Variants in ELF4 observed in about 807,000 individuals in gnomAD.
ELF4 encodes the protein ETS-related transcription factor Elf-4.
ELF4 carries 10 observed loss-of-function variants against 31.7 expected under a neutral mutation model. The ratio of observed to expected loss-of-function variants is 0.32; its 90% confidence interval spans 0.19 to 0.54. The LOEUF is 0.54. ELF4 is among the 20% of genes least tolerant of loss of function. The pLI is 0.95. For synonymous variants in ELF4, 208 were observed against 226.7 expected, an observed-to-expected ratio of 0.92 and a Z score of 0.74; for missense variants, 418 against 522.0, an observed-to-expected ratio of 0.80 and a Z score of 1.94.
Position 130,066,658 on chromosome X carries a change from C to T in ELF4, c.*63G>A, listed in dbSNP as rs1294521972. The T allele has an allele frequency of 9.9e-6, 11 of 1,106,441 alleles. No individual in the cohort carries two copies. Among genetic ancestry groups the T allele is most frequent in the South Asian group, 7.6e-5 (4 of 52,685 alleles). 91.2% of individuals were successfully genotyped at this position (1,106,441 alleles called of 1,213,427 possible). On this transcript the variant is annotated 3_prime_UTR_variant, in exon 9 of 9. Coordinates refer to ENST00000308167, the MANE Select transcript of ELF4 (RefSeq NM_001421.4). Reference sequence around the variant, plus strand: ...GCAGGGGCAGGTGTGCTACTGAAGTCGGTCCCTATGAAAATGCTGCTCAAT... The same window carrying T: ...GCAGGGGCAGGTGTGCTACTGAAGTTGGTCCCTATGAAAATGCTGCTCAAT...
At chrX:130,096,191 T>C (rs1933147621) in intron 1 of ELF4, among the ~76,000 whole-genome samples, 1 of 110,355 alleles carries the variant, frequency 9.1e-6, no homozygotes, top group South Asian at 3.8e-4. Flanking sequence ...TTTTGTTTTG[T>C]TTTGTTTTTG....
chrX:130,076,162 A>G (rs150654853), intron 2 of ELF4, among the ~76,000 whole-genome samples: 358 of 111,987 alleles, frequency 3.2e-3, no homozygotes, highest in African/African-American at 0.011. Flanking sequence ...CCTAGAGAAC[A>G]GAAGTGTTTT....
chrX:130,064,186 C>G lies in ELF4; in HGVS notation c.*2535G>C, dbSNP rs1173611774. Among the ~76,000 whole-genome samples, 3 of 110,507 alleles carry G rather than the reference C, an allele frequency of 2.7e-5. No individual in the cohort carries two copies. The highest frequency in any genetic ancestry group is 5.7e-5 in the Non-Finnish European group (3 of 52,885). ...GCCGTGGTTGCTCACGCCTGTAATC[C>G]CAGCACTTTGGGAGGCCAAGGTGGG... On this transcript the variant is annotated 3_prime_UTR_variant, in exon 9 of 9. Coordinates refer to ENST00000308167, the MANE Select transcript of ELF4 (RefSeq NM_001421.4).
chrX:130,070,703 T>A (rs1198541167), intron 7 of ELF4, among the ~76,000 whole-genome samples: 1 of 97,509 alleles, frequency 1.0e-5, no homozygotes, highest in Non-Finnish European at 2.0e-5. Flanking sequence ...ACCCAGGCAG[T>A]GCAGGTTGCA....
chrX:130,074,678 C>T lies in ELF4; in HGVS notation c.150G>A (p.Ser50=), dbSNP rs373694369. Reference sequence around the variant, plus strand: ...TGTGAACGTCGTCCAACTCCAGTCCCGAGTACAGATGCAGTAAATCAGGGT... The same window carrying T: ...TGTGAACGTCGTCCAACTCCAGTCCTGAGTACAGATGCAGTAAATCAGGGT... The part of the protein sequence containing the change: ...VPYPDLLHLY[S]GLELDDVHNG... The change falls in exon 3 of 9, where the codon TCG becomes TCA. Residue 50 remains serine, a synonymous_variant. Coordinates refer to ENST00000308167, the MANE Select transcript of ELF4 (RefSeq NM_001421.4). 5.8e-6 allele frequency: 7 copies of T among 1,209,511 alleles called. No homozygotes were observed. The highest frequency in any genetic ancestry group is 2.2e-5 in the Admixed American group (1 of 45,649).
intron 5 of ELF4, among the ~76,000 whole-genome samples, 159 bp from the exon 6 acceptor site, chrX:130,071,578 C>A (rs1188885132): frequency 8.9e-6 from 1 of 112,342 alleles, no homozygotes; most frequent in Non-Finnish European, 1.9e-5. Flanking sequence ...CCTTTGCACC[C>A]TCATTTTCAG....
At chrX:130,081,207 A>T in intron 2 of ELF4, 49 bp downstream of exon 2, 10 of 1,189,450 alleles carry the variant, frequency 8.4e-6, no homozygotes, top group Non-Finnish European at 1.1e-5. Context: ...GTCTGTGTCT[A>T]TCTGATTGTC....
chrX:130,111,768 A>C (rs973767892), upstream of ELF4, among the ~76,000 whole-genome samples: 1 of 112,102 alleles, frequency 8.9e-6, no homozygotes, highest in African/African-American at 3.2e-5. Flanking sequence ...CCACGCGCCC[A>C]CTTGAAAGCC....
upstream of ELF4, among the ~76,000 whole-genome samples, chrX:130,110,910 C>T (rs1933476236): frequency 1.0e-5 from 1 of 98,358 alleles, no homozygotes; most frequent in Non-Finnish European, 2.1e-5. Flanking sequence ...CACACACGTC[C>T]CCGCAGGCGG....
At chrX:130,106,939 A>G (rs1026264177) in intron 1 of ELF4, among the ~76,000 whole-genome samples, 19 of 111,744 alleles carry the variant, frequency 1.7e-4, no homozygotes, top group African/African-American at 6.2e-4. Context: ...CTGGAACCCA[A>G]CAAATGACAT....
At chrX:130,094,264 G>A (rs1310900942) in intron 1 of ELF4, among the ~76,000 whole-genome samples, 1 of 111,050 alleles carries the variant, frequency 9.0e-6, no homozygotes, top group Admixed American at 9.6e-5. Flanking sequence ...CAAGCCTGTA[G>A]TCCCAGCTAC....
intron 7 of ELF4, 127 bp downstream of exon 7, chrX:130,070,913 G>T: frequency 2.0e-6 from 2 of 983,164 alleles, no homozygotes; most frequent in Non-Finnish European, 2.9e-6. Context: ...AAGCTAAGAG[G>T]AAAGTTACGA....
chrX:130,073,093 A>AT (rs1387901037), intron 4 of ELF4, among the ~76,000 whole-genome samples: 1 of 110,942 alleles, frequency 9.0e-6, no homozygotes, highest in African/African-American at 3.3e-5. Flanking sequence ...TCTTTATTTT[A>AT]TTTATTTATT....
At chrX:130,089,683 C>T (rs1442943999) in intron 1 of ELF4, among the ~76,000 whole-genome samples, 1 of 111,488 alleles carries the variant, frequency 9.0e-6, no homozygotes, top group Non-Finnish European at 1.9e-5. Flanking sequence ...TGCACTGTGA[C>T]TCCCAAGTGA....
intron 1 of ELF4, among the ~76,000 whole-genome samples, chrX:130,094,139 C>A (rs776273775): frequency 1.8e-5 from 2 of 109,050 alleles, no homozygotes; most frequent in Non-Finnish European, 3.8e-5. Context: ...CCAAGGTGGG[C>A]GGATCATGAG....
In ELF4 at chrX:130,101,178, G is replaced by C. The variant is rs144510348; in HGVS notation, c.-210+9147C>G. Among the ~76,000 whole-genome samples the C allele has an allele frequency of 4.0e-3, 445 of 112,373 alleles. 14 individuals are homozygous for C. In the East Asian group the frequency reaches 0.071, roughly 18 times the overall value. On this transcript the variant is annotated intron_variant, in intron 1 of 8. Coordinates refer to ENST00000308167, the MANE Select transcript of ELF4 (RefSeq NM_001421.4). ...AGACTTCATTCTGGATCAGGTCTAA[G>C]AAGTAAAGTGATTCAAGAAAACAGG...
In ELF4 at chrX:130,067,217, G is replaced by C. The variant is rs371747723; in HGVS notation, c.1496C>G (p.Pro499Arg). 5 of 1,210,194 alleles carry C rather than the reference G, an allele frequency of 4.1e-6. No homozygotes were observed. Among genetic ancestry groups the C allele is most frequent in the Admixed American group, 2.2e-5 (1 of 45,935 alleles). ...AGCCCCTGTGACCGTGGGTGGCGCC[G>C]GGTTGGTCGGACGGTTGGCCCCAGC... is the stretch of plus-strand genomic sequence containing the variant. ...LLAGANRPTN[P>R]APPTVTGAGP... is the part of the protein sequence containing the mutation. Residue 499 changes from proline (P) to arginine (R), a missense_variant, in exon 9 of 9, where the codon CCG becomes CGG. Coordinates refer to ENST00000308167, the MANE Select transcript of ELF4 (RefSeq NM_001421.4).
At chrX:130,075,278 CTTT>C (rs751479115) in intron 2 of ELF4, among the ~76,000 whole-genome samples, 1 of 79,298 alleles carries the variant, frequency 1.3e-5, no homozygotes, top group Non-Finnish European at 2.4e-5. Context: ...CAAGGGCAAG[CTTT>C]TTTTTTTTTT....
chrX:130,087,419 G>A (rs985261883), intron 1 of ELF4, among the ~76,000 whole-genome samples: 7 of 112,751 alleles, frequency 6.2e-5, no homozygotes, highest in African/African-American at 2.3e-4. Flanking sequence ...AGCTCAAGGG[G>A]TTGTTGCAAA....
Sources: gnomAD v4.1 joint callset for allele counts (sites outside exome capture counted in the v4.1 genomes callset) on GRCh38, gnomAD v4.1.1 for gene constraint, MANE v1.5 for transcripts, NCBI Gene and HGNC (gene_info 2026-07-23, HGNC 2026-07-21) for gene names.